Variants in DTWD2 observed in about 807,000 individuals in gnomAD.
DTWD2 encodes the protein DTW motif tRNA-uridine aminocarboxypropyltransferase 2.
Under a neutral mutation model 31.8 loss-of-function variants are expected in DTWD2, and 39 were observed. That is an observed-to-expected ratio of 1.22 (90% CI 0.95 to 1.60). The LOEUF (loss-of-function observed/expected upper bound fraction) is 1.60. Ranked by LOEUF, DTWD2 falls within the 40% of genes most tolerant of loss-of-function variation. The probability of loss-of-function intolerance (pLI) is 0.00; values close to 1 mark genes in which losing one functional copy is unlikely to be tolerated. For synonymous variants in DTWD2, 180 were observed against 142.8 expected, an observed-to-expected ratio of 1.26 and a Z score of -1.86; for missense variants, 515 against 381.5, an observed-to-expected ratio of 1.35 and a Z score of -2.92.
At chr5:118,971,669 CAG>C (rs1289679049) in intron 1 of DTWD2, among the ~76,000 whole-genome samples, 1 of 152,170 alleles carries the variant, frequency 6.6e-6, no homozygotes, top group East Asian at 1.9e-4. Context: ...CCAAAAATAA[CAG>C]AATATATATT....
At chr5:118,928,514 C>A in intron 4 of DTWD2, 23 bp downstream of exon 4, 1 of 1,416,676 alleles carries the variant, frequency 7.1e-7, no homozygotes, top group Non-Finnish European at 9.3e-7. Flanking sequence ...TATATTTATT[C>A]TCTGTTAAAA....
chr5:118,964,574 C>A (rs559255607), intron 1 of DTWD2, among the ~76,000 whole-genome samples: 2 of 152,344 alleles, frequency 1.3e-5, no homozygotes. Context: ...CGAATGCCTG[C>A]GATTGCAGGC....
chr5:118,844,658 T>G (rs562069364), intron 5 of DTWD2, among the ~76,000 whole-genome samples: 69 of 152,340 alleles, frequency 4.5e-4, no homozygotes, highest in African/African-American at 1.6e-3. Flanking sequence ...TGATAATAAG[T>G]TGTAATTCAA....
chr5:118,909,896 C>A (rs1225778100), intron 4 of DTWD2, among the ~76,000 whole-genome samples: 1 of 152,194 alleles, frequency 6.6e-6, no homozygotes, highest in Admixed American at 6.5e-5. Flanking sequence ...CACAATATGC[C>A]CTCCAGTCAG....
At chr5:118,887,496 C>T (rs1357307278) in intron 4 of DTWD2, among the ~76,000 whole-genome samples, 1 of 152,168 alleles carries the variant, frequency 6.6e-6, no homozygotes, top group East Asian at 1.9e-4. Context: ...ATGGAGTACA[C>T]CCAACCACAT....
chr5:118,890,979 A>G (rs761097470), intron 4 of DTWD2, among the ~76,000 whole-genome samples: 20 of 151,524 alleles, frequency 1.3e-4, no homozygotes, highest in Non-Finnish European at 2.5e-4. Flanking sequence ...AGAAGAATAG[A>G]GCAGGAATAT....
intron 3 of DTWD2, among the ~76,000 whole-genome samples, chr5:118,930,430 G>T (rs923274832): frequency 6.6e-6 from 1 of 151,964 alleles, no homozygotes; most frequent in African/African-American, 2.4e-5. Context: ...GAGTTTGAAA[G>T]TCATCAAGCC....
intron 4 of DTWD2, among the ~76,000 whole-genome samples, chr5:118,891,233 T>C (rs1311899842): frequency 6.6e-6 from 1 of 152,136 alleles, no homozygotes; most frequent in Non-Finnish European, 1.5e-5. Flanking sequence ...AGTATGGCAA[T>C]GTACTAGAAG....
At chr5:118,921,324 C>T (rs1274941022) in intron 4 of DTWD2, among the ~76,000 whole-genome samples, 1 of 151,952 alleles carries the variant, frequency 6.6e-6, no homozygotes, top group Non-Finnish European at 1.5e-5. Flanking sequence ...CCAGCCTAGA[C>T]AACATGGCGA....
At chr5:118,883,879 A>C (rs1287109457) in intron 4 of DTWD2, among the ~76,000 whole-genome samples, 2 of 152,214 alleles carry the variant, frequency 1.3e-5, no homozygotes, top group Non-Finnish European at 2.9e-5. Context: ...AAAATAAATA[A>C]AGCTAACAAA....
chr5:118,912,085 G>T (rs1753470224), intron 4 of DTWD2, among the ~76,000 whole-genome samples: 1 of 152,226 alleles, frequency 6.6e-6, no homozygotes, highest in Non-Finnish European at 1.5e-5. Context: ...GAGGGGCACT[G>T]TTTGGTAATT....
chr5:118,847,987 T>C (rs977357924), intron 5 of DTWD2, 103 bp downstream of exon 5: 20 of 1,257,784 alleles, frequency 1.6e-5, no homozygotes, highest in Non-Finnish European at 1.9e-5. Flanking sequence ...CAGAAGATTC[T>C]ACTTGTCACA....
chr5:118,876,770 T>A (rs563005704), intron 4 of DTWD2, among the ~76,000 whole-genome samples: 1 of 152,128 alleles, frequency 6.6e-6, no homozygotes, highest in Non-Finnish European at 1.5e-5. Context: ...AAGGACCAGA[T>A]GGATTCACAG....
At chr5:118,922,889 G>T (rs1032058726) in intron 4 of DTWD2, among the ~76,000 whole-genome samples, 5 of 152,112 alleles carry the variant, frequency 3.3e-5, no homozygotes, top group African/African-American at 1.2e-4. Context: ...TCTACTCTGG[G>T]AAAGAGAAAC....
intron 1 of DTWD2, among the ~76,000 whole-genome samples, chr5:118,957,719 A>G (rs1754618479): frequency 6.6e-6 from 1 of 152,224 alleles, no homozygotes; most frequent in African/African-American, 2.4e-5. Flanking sequence ...TGTGCCCCAG[A>G]GGGCATGCCT....
intron 4 of DTWD2, among the ~76,000 whole-genome samples, chr5:118,852,425 A>G (rs1752032056): frequency 6.6e-6 from 1 of 152,176 alleles, no homozygotes; most frequent in Non-Finnish European, 1.5e-5. Flanking sequence ...AATGTCCATG[A>G]AATCTTCACA....
intron 3 of DTWD2, among the ~76,000 whole-genome samples, chr5:118,938,845 GA>G (rs1173603042): frequency 0.013 from 1,088 of 82,632 alleles, 11 homozygotes; most frequent in African/African-American, 0.032. Flanking sequence ...AGATATTTAA[GA>G]AAAAAAAAAA....
intron 2 of DTWD2, 77 bp downstream of exon 2, chr5:118,944,482 G>T: frequency 7.2e-7 from 1 of 1,390,042 alleles, no homozygotes; most frequent in Non-Finnish European, 1.0e-6. Context: ...AGCTGGTAAG[G>T]ATAAGTATGT....
intron 4 of DTWD2, among the ~76,000 whole-genome samples, chr5:118,859,756 C>T (rs547741038): frequency 6.6e-6 from 1 of 152,264 alleles, no homozygotes; most frequent in African/African-American, 2.4e-5. Context: ...GCTTTCCTCC[C>T]TCATAGGTAA....
Sources: allele counts gnomAD v4.1 joint callset (sites outside exome capture counted in the v4.1 genomes callset), GRCh38; gene constraint gnomAD v4.1.1; transcripts MANE v1.5; gene names NCBI Gene and HGNC (gene_info 2026-07-23, HGNC 2026-07-21).